Variants in HYDIN observed in about 807,000 individuals in gnomAD.
HYDIN encodes axonemal central pair apparatus protein HYDIN.
Under a neutral mutation model 403.9 loss-of-function variants are expected in HYDIN, and 132 were observed. The ratio of observed to expected loss-of-function variants is 0.33; its 90% CI spans 0.28 to 0.38. HYDIN has a LOEUF of 0.38. Ranked by LOEUF, HYDIN falls within the 10% of genes least tolerant of loss-of-function variation. HYDIN has a pLI of 1.00. For missense variants in HYDIN, 2,827 were observed against 5,009.5 expected (o/e 0.56, Z 13.15); for synonymous variants, 1,202 against 1,891.7 (o/e 0.64, Z 9.46).
chr16:71,115,530 G>A (rs575255536), intron 10 of HYDIN, among the ~76,000 whole-genome samples, 166 bp downstream of exon 10: 1 of 152,152 alleles, frequency 6.6e-6, no homozygotes. Flanking sequence ...GAAGTGAGAG[G>A]GGCATAGCTT....
At chr16:70,894,922 A>G (rs2041699676) in intron 54 of HYDIN, among the ~76,000 whole-genome samples, 2 of 152,046 alleles carry the variant, frequency 1.3e-5, no homozygotes, top group Non-Finnish European at 2.9e-5. Context: ...AATAATTAAA[A>G]ACTCCTCATA....
At chr16:71,192,945 A>G (rs1466033641) in intron 1 of HYDIN, among the ~76,000 whole-genome samples, 1 of 152,120 alleles carries the variant, frequency 6.6e-6, no homozygotes. Context: ...TTCCTCTCAC[A>G]TCCTGATCCC....
At chr16:71,197,149 A>G (rs912357565) in intron 1 of HYDIN, among the ~76,000 whole-genome samples, 1 of 152,192 alleles carries the variant, frequency 6.6e-6, no homozygotes, top group African/African-American at 2.4e-5. Context: ...AATCCCACAA[A>G]TCAATACCTT....
rs2049059713 is a variant in HYDIN, at chr16:71,060,506, T to TG, written c.2526dup (p.Met843HisfsTer11). 2 of 653,102 alleles carry TG rather than the reference T, an allele frequency of 3.1e-6. No homozygotes were observed. The highest frequency in any genetic ancestry group is 3.7e-5 in the South Asian group (2 of 53,742). 40.5% of individuals were successfully genotyped at this position (653,102 alleles called of 1,614,324 possible). A position where few individuals can be genotyped will look rare whatever the true frequency, so the allele number is the denominator to read the frequency against. The stretch of plus-strand genomic sequence containing the variant: ...TTTCATCATGTCCCATGACTTACCA[T>TG]GTGTGCCTGGAAAAATGCGGGAATG... On this transcript the variant is annotated frameshift_variant, in exon 18 of 86. Transcript: ENST00000393567. LOFTEE classifies it high-confidence loss of function.
At chr16:71,028,002 T>C in intron 19 of HYDIN, 127 bp from the exon 20 acceptor site, 1 of 504,888 alleles carries the variant, frequency 2.0e-6, no homozygotes, top group Non-Finnish European at 3.4e-6. Context: ...CTTTTTTTTT[T>C]TTTTAAATGT....
chr16:70,851,108 C>T (rs1774530), intron 73 of HYDIN, among the ~76,000 whole-genome samples: 11,985 of 148,098 alleles, frequency 0.081, 1,523 homozygotes, highest in African/African-American at 0.28. Context: ...AAAACACCAT[C>T]GTAGACATCA....
At chr16:70,892,166 T>C (rs1206759722) in intron 56 of HYDIN, among the ~76,000 whole-genome samples, 195 bp downstream of exon 56, 1 of 148,940 alleles carries the variant, frequency 6.7e-6, no homozygotes, top group East Asian at 2.0e-4. Context: ...TGGGGGCACA[T>C]TTCCTCACTG....
intron 41 of HYDIN, among the ~76,000 whole-genome samples, chr16:70,951,226 C>A (rs2078057344): frequency 1.3e-5 from 2 of 149,474 alleles, no homozygotes; most frequent in African/African-American, 2.5e-5. Flanking sequence ...CACAGTGAGA[C>A]CCTGACTCTA....
In HYDIN at chr16:70,807,885, C is replaced by A; in HGVS notation, c.15061G>T (p.Ala5021Ser). Reference sequence around the variant, plus strand: ...GGACCTTGGGGCTTGGGAGGCAGAGCCATTCCAAAGAGGGGGATGATATAC... The same window carrying A: ...GGACCTTGGGGCTTGGGAGGCAGAGACATTCCAAAGAGGGGGATGATATAC... Reference protein sequence around the residue: ...GEYIIPLFGMALPPKPQGPFS... With the variant: ...GEYIIPLFGMSLPPKPQGPFS... The change falls in exon 86 of 86, where the codon GCT becomes TCT. Residue 5021 changes from alanine (A) to serine (S), a missense_variant. Physicochemically the swap from Ala to Ser is moderately conservative, Grantham distance 99 (BLOSUM62 1). Coordinates refer to ENST00000393567, the MANE Select transcript of HYDIN (RefSeq NM_001270974.2). The A allele has an allele frequency of 3.7e-6, 6 of 1,614,122 alleles. No homozygotes were observed. The highest frequency in any genetic ancestry group is 5.1e-6 in the Non-Finnish European group (6 of 1,180,014).
At chr16:71,075,217 A>G (rs981006) in intron 13 of HYDIN, among the ~76,000 whole-genome samples, 3 of 152,208 alleles carry the variant, frequency 2.0e-5, no homozygotes, top group African/African-American at 4.8e-5. Context: ...CATAGCTGCT[A>G]TATCATCAAA....
intron 69 of HYDIN, 36 bp downstream of exon 69, chr16:70,862,012 G>T (rs2039444393): frequency 5.9e-6 from 9 of 1,520,708 alleles, no homozygotes; most frequent in East Asian, 2.5e-5. Flanking sequence ...CTTTGTGCCT[G>T]CCAAGAAGGG....
At chr16:70,908,561 G>A (rs2076601767) in intron 48 of HYDIN, 92 bp downstream of exon 48, 2 of 1,518,626 alleles carry the variant, frequency 1.3e-6, no homozygotes, top group Non-Finnish European at 8.9e-7. Flanking sequence ...CCACAGACAG[G>A]ACAGCTCTGT....
At chr16:70,834,200 G>A in intron 78 of HYDIN, 36 bp from the exon 79 acceptor site, 1 of 1,604,480 alleles carries the variant, frequency 6.2e-7, no homozygotes, top group East Asian at 2.2e-5. Flanking sequence ...GCAGCTGAGG[G>A]TGGGAGGCCC....
At chr16:70,928,275 C>T (rs2077213042) in intron 45 of HYDIN, among the ~76,000 whole-genome samples, 1 of 152,228 alleles carries the variant, frequency 6.6e-6, no homozygotes, top group African/African-American at 2.4e-5. Context: ...ACAGCTTGGG[C>T]AACATGGCAT....
At chr16:70,812,878 G>A (rs2143435485) in intron 84 of HYDIN, among the ~76,000 whole-genome samples, 1 of 152,326 alleles carries the variant, frequency 6.6e-6, no homozygotes, top group South Asian at 2.1e-4. Context: ...GGGCTGACCT[G>A]TGTGACCACT....
In HYDIN at chr16:71,228,635, G is replaced by A. The variant is rs138731312; in HGVS notation, c.-24+1927C>T. Among the ~76,000 whole-genome samples, 871 of 151,914 alleles carry A rather than the reference G, an allele frequency of 5.7e-3. 3 individuals are homozygous for A. Among genetic ancestry groups the A allele is most frequent in the Non-Finnish European group, 9.3e-3 (634 of 67,838 alleles). On this transcript the variant is annotated intron_variant, in intron 1 of 85. Transcript: ENST00000393567. Reference sequence around the variant, plus strand: ...ACCATCTCACACCAGTTAGAATGGCGATTAAAAAGTCAGGAAAACAACAGG... The same window carrying A: ...ACCATCTCACACCAGTTAGAATGGCAATTAAAAAGTCAGGAAAACAACAGG...
At chr16:71,153,390 T>C (rs2085620234) in intron 6 of HYDIN, among the ~76,000 whole-genome samples, 1 of 150,726 alleles carries the variant, frequency 6.6e-6, no homozygotes, top group African/African-American at 2.4e-5. Flanking sequence ...CTACAGGAGA[T>C]GATGCAATAG....
At chr16:71,057,778 C>T (rs1330580011) in intron 18 of HYDIN, among the ~76,000 whole-genome samples, 52 of 145,966 alleles carry the variant, frequency 3.6e-4, no homozygotes, top group African/African-American at 1.2e-3. Context: ...AAAAAGTGGG[C>T]GAAGGACATG....
At chr16:70,899,900 G>A (rs541391310) in intron 53 of HYDIN, among the ~76,000 whole-genome samples, 16 of 151,432 alleles carry the variant, frequency 1.1e-4, no homozygotes, top group African/African-American at 3.4e-4. Flanking sequence ...AAGACAGTGC[G>A]TGGGAGCCAA....
Sources: gnomAD v4.1 joint callset for allele counts (sites outside exome capture counted in the v4.1 genomes callset) on GRCh38, gnomAD v4.1.1 for gene constraint, MANE v1.5 for transcripts, NCBI Gene and HGNC (gene_info 2026-07-23, HGNC 2026-07-21) for gene names.